The following CNOT8 variants were observed in gnomAD, a reference collection of about 807,000 sequenced individuals.
CNOT8 encodes the protein CAF1-like protein.
In CNOT8, 18 loss-of-function variants were observed where a neutral mutation model predicts 34.6. That is an observed-to-expected ratio of 0.52 (90% CI 0.36 to 0.77). The LOEUF (loss-of-function observed/expected upper bound fraction) is 0.77. Among genes scored for constraint, CNOT8 ranks in the 30% least tolerant of loss-of-function variants. The probability of loss-of-function intolerance (pLI) is 0.00; values close to 1 mark genes in which losing one functional copy is unlikely to be tolerated. For missense variants in CNOT8, 189 were observed against 347.9 expected, an observed-to-expected ratio of 0.54 and a Z score of 3.63; for synonymous variants, 101 against 118.8, an observed-to-expected ratio of 0.85 and a Z score of 0.98.
At chr5:154,862,293 A>G (rs1273046667) in intron 1 of CNOT8, among the ~76,000 whole-genome samples, 1 of 152,140 alleles carries the variant, frequency 6.6e-6, no homozygotes, top group African/African-American at 2.4e-5. Context: ...CAATATGGTG[A>G]AACCCCATCT....
intron 4 of CNOT8, 52 bp downstream of exon 4, chr5:154,870,874 A>G: frequency 6.7e-7 from 1 of 1,487,174 alleles, no homozygotes; most frequent in Non-Finnish European, 9.2e-7. Context: ...ACACTGAAGC[A>G]GGGAATTGAA....
In CNOT8 at chr5:154,871,867, A is replaced by C; in HGVS notation, c.611A>C (p.Asn204Thr). ...DVKYLMKSCKNLKGGLQEVAD... is the reference protein window; with the variant it reads ...DVKYLMKSCKTLKGGLQEVAD... ...AAATACCTGATGAAGAGCTGCAAAA[A>C]TCTTAAGGTATATGATGTTTTTCTT... The change falls in exon 5 of 7, where the codon AAT becomes ACT. Residue 204 changes from asparagine to threonine, a missense_variant. Transcript: ENST00000285896. The C allele has an allele frequency of 6.2e-7, 1 of 1,612,358 alleles. No homozygotes were observed. Among genetic ancestry groups the C allele is most frequent in the Non-Finnish European group, 8.5e-7 (1 of 1,179,422 alleles).
At chr5:154,866,984 GTTTA>G (rs1481571467) in intron 3 of CNOT8, among the ~76,000 whole-genome samples, 2 of 151,954 alleles carry the variant, frequency 1.3e-5, no homozygotes, top group Non-Finnish European at 2.9e-5. Context: ...AAAAAAAAAT[GTTTA>G]TTTAAGTGGA....
At chr5:154,861,821 C>G (rs564919895) in intron 1 of CNOT8, among the ~76,000 whole-genome samples, 99 of 152,326 alleles carry the variant, frequency 6.5e-4, no homozygotes, top group African/African-American at 2.2e-3. Context: ...GCCTCAGCCT[C>G]CCGAGTAGCT....
chr5:154,864,895 A>C (rs1468007999), intron 2 of CNOT8, among the ~76,000 whole-genome samples: 1 of 152,022 alleles, frequency 6.6e-6, no homozygotes, highest in Non-Finnish European at 1.5e-5. Flanking sequence ...ACAATAATTA[A>C]CTGGGTGTGG....
At chr5:154,866,959 A>G (rs1434434677) in intron 3 of CNOT8, among the ~76,000 whole-genome samples, 1 of 150,976 alleles carries the variant, frequency 6.6e-6, no homozygotes, top group East Asian at 1.9e-4. Flanking sequence ...AAGCCTAGTT[A>G]TAATAAGCAA....
chr5:154,861,559 C>T (rs1210198110), intron 1 of CNOT8, among the ~76,000 whole-genome samples: 1 of 152,204 alleles, frequency 6.6e-6, no homozygotes, highest in Non-Finnish European at 1.5e-5. Context: ...CTTGCTCTGT[C>T]CCTTGGGAAC....
At chr5:154,866,578 C>G (rs1018049022) in intron 3 of CNOT8, among the ~76,000 whole-genome samples, 1 of 152,074 alleles carries the variant, frequency 6.6e-6, no homozygotes, top group Non-Finnish European at 1.5e-5. Flanking sequence ...AGTTATTTCA[C>G]TGAGTGGTTT....
At chr5:154,874,159 G>A (rs1016434629) in intron 6 of CNOT8, among the ~76,000 whole-genome samples, 8 of 152,150 alleles carry the variant, frequency 5.3e-5, no homozygotes, top group Non-Finnish European at 1.0e-4. Flanking sequence ...TTAAAGAGAA[G>A]GGAGCAGTTG....
chr5:154,859,004 T>G (rs1761070863), intron 1 of CNOT8, among the ~76,000 whole-genome samples: 1 of 152,114 alleles, frequency 6.6e-6, no homozygotes, highest in African/African-American at 2.4e-5. Flanking sequence ...TAACTTCTAC[T>G]CCAATCCTCC....
Position 154,875,696 on chromosome 5 carries a change from G to A in CNOT8, c.*257G>A. 2.7e-6 allele frequency: 1 copy of A among 375,768 alleles called. No homozygotes were observed. Among genetic ancestry groups the A allele is most frequent in the East Asian group, 5.0e-5 (1 of 19,942 alleles). 23.3% of individuals were successfully genotyped at this position (375,768 alleles called of 1,614,324 possible). A position where few individuals can be genotyped will look rare whatever the true frequency, so the allele number is the denominator to read the frequency against. ...AGCCTCTCCTCTCTGGTTGCCTCCT[G>A]CCACCAGCATCCATGGCTCATTTGA... On this transcript the variant is annotated 3_prime_UTR_variant, in exon 7 of 7. Coordinates refer to ENST00000285896, the MANE Select transcript of CNOT8 (RefSeq NM_001301073.2).
In CNOT8 at chr5:154,875,553, C is replaced by T; in HGVS notation, c.*114C>T. 1 of 1,111,084 alleles carries T rather than the reference C, an allele frequency of 9.0e-7. No homozygotes were observed. Among genetic ancestry groups the T allele is most frequent in the Non-Finnish European group, 1.2e-6 (1 of 801,410 alleles). 68.8% of individuals were successfully genotyped at this position (1,111,084 alleles called of 1,614,324 possible). A position where few individuals can be genotyped will look rare whatever the true frequency, so the allele number is the denominator to read the frequency against. ...CTTTTGAGCACACTGTACCTACCATCTGCATTGAGCAGAAAGACTTTTGTT... is the reference window on the plus strand; with the variant it reads ...CTTTTGAGCACACTGTACCTACCATTTGCATTGAGCAGAAAGACTTTTGTT... On this transcript the variant is annotated 3_prime_UTR_variant, in exon 7 of 7. Coordinates refer to ENST00000285896, the MANE Select transcript of CNOT8 (RefSeq NM_001301073.2).
chr5:154,866,756 TA>T (rs1387287453), intron 3 of CNOT8, among the ~76,000 whole-genome samples: 12 of 151,764 alleles, frequency 7.9e-5, no homozygotes, highest in Non-Finnish European at 1.5e-4. Context: ...CTACTAAAAA[TA>T]AAAAAATTAG....
intron 6 of CNOT8, among the ~76,000 whole-genome samples, chr5:154,873,254 T>G (rs566907489): frequency 1.3e-5 from 2 of 152,232 alleles, no homozygotes; most frequent in Non-Finnish European, 2.9e-5. Flanking sequence ...AAAGTGGTTG[T>G]TTTTTGTTAT....
rs551319062 is a variant in CNOT8 at position 154,866,862 on chromosome 5, G to A, written c.311+1477G>A. 7.9e-5 allele frequency among the ~76,000 whole-genome samples: 12 copies of A among 152,224 alleles called. No individual in the cohort carries two copies. The South Asian group carries it at 1.2e-3, about 16-fold the overall frequency. On this transcript the variant is annotated intron_variant, in intron 3 of 6. Coordinates refer to ENST00000285896, the MANE Select transcript of CNOT8 (RefSeq NM_001301073.2). ...TGTGAGGTGGAGGCTGCAGTGAGTC[G>A]AGATTGTGCCACTGCACTCCAGCCT...
chr5:154,861,106 T>G (rs1165309175), intron 1 of CNOT8, among the ~76,000 whole-genome samples: 1 of 152,186 alleles, frequency 6.6e-6, no homozygotes. Flanking sequence ...AGAAAATGGT[T>G]TTAAGGCCTT....
intron 6 of CNOT8, 76 bp from the exon 7 acceptor site, chr5:154,875,214 G>T: frequency 6.6e-7 from 1 of 1,518,200 alleles, no homozygotes; most frequent in African/African-American, 1.4e-5. Context: ...ATTGCACCCG[G>T]CCAGATGTGA....
chr5:154,866,275 C>T (rs745717779), intron 3 of CNOT8, among the ~76,000 whole-genome samples: 13 of 152,176 alleles, frequency 8.5e-5, no homozygotes, highest in African/African-American at 2.4e-4. Context: ...GATCCTCCCA[C>T]GTCAGCCCCC....
In CNOT8 at chr5:154,871,717, T is replaced by A. The variant is rs539229093; in HGVS notation, c.474-13T>A. ...CACTGCTTTTTTAACCTCTGTGGTTTATTCTCTTGTAGTGGCTATGATTTT... is the reference window on the plus strand; with the variant it reads ...CACTGCTTTTTTAACCTCTGTGGTTAATTCTCTTGTAGTGGCTATGATTTT... On this transcript the variant is annotated splice_polypyrimidine_tract_variant and intron_variant, in intron 4 of 6. Coordinates refer to ENST00000285896, the MANE Select transcript of CNOT8 (RefSeq NM_001301073.2). 4.2e-5 allele frequency: 68 copies of A among 1,613,370 alleles called. No homozygotes were observed. Among genetic ancestry groups the A allele is most frequent in the Non-Finnish European group, 4.3e-5 (51 of 1,179,640 alleles).
Sources: allele counts gnomAD v4.1 joint callset (sites outside exome capture counted in the v4.1 genomes callset), GRCh38; gene constraint gnomAD v4.1.1; transcripts MANE v1.5; gene names NCBI Gene and HGNC (gene_info 2026-07-23, HGNC 2026-07-21).